RNF220: variants seen among roughly 807,000 people sequenced by gnomAD.
RNF220 encodes the protein E3 ubiquitin-protein ligase RNF220.
A neutral mutation model predicts 67.1 loss-of-function variants in RNF220; 7 were observed. The observed-to-expected ratio is 0.10, with a 90% CI of 0.06 to 0.20. The LOEUF (loss-of-function observed/expected upper bound fraction) is 0.20. RNF220 is among the 10% of genes least tolerant of loss of function. The pLI is 1.00. For synonymous variants in RNF220, 270 were observed against 283.2 expected (o/e 0.95, Z 0.47); for missense variants, 565 against 740.3 (o/e 0.76, Z 2.75).
At chr1:44,488,911 A>G (rs889673970) in intron 2 of RNF220, among the ~76,000 whole-genome samples, 10 of 151,922 alleles carry the variant, frequency 6.6e-5, no homozygotes, top group African/African-American at 2.4e-4. Context: ...TCCTATTTTT[A>G]GTAGAGATGG....
intron 2 of RNF220, among the ~76,000 whole-genome samples, chr1:44,607,814 A>G (rs1423273734): frequency 6.6e-6 from 1 of 151,684 alleles, no homozygotes; most frequent in Non-Finnish European, 1.5e-5. Flanking sequence ...TATCTAGAGC[A>G]CCACTTCCCC....
At chr1:44,438,104 G>A (rs987836943) in intron 2 of RNF220, among the ~76,000 whole-genome samples, 1 of 152,050 alleles carries the variant, frequency 6.6e-6, no homozygotes, top group Non-Finnish European at 1.5e-5. Flanking sequence ...TTAAATTTTT[G>A]TAAATTTTGT....
chr1:44,544,751 G>A (rs944708994), intron 2 of RNF220, among the ~76,000 whole-genome samples: 6 of 152,358 alleles, frequency 3.9e-5, no homozygotes, highest in African/African-American at 1.4e-4. Flanking sequence ...GGGCTGCAAG[G>A]AGAAGCCTTG....
intron 2 of RNF220, among the ~76,000 whole-genome samples, chr1:44,448,092 A>G (rs1335966305): frequency 6.6e-6 from 1 of 152,184 alleles, no homozygotes; most frequent in African/African-American, 2.4e-5. Context: ...TGAGGTCAGG[A>G]GTTTGAGACC....
At chr1:44,437,589 A>G (rs1327209508) in intron 2 of RNF220, among the ~76,000 whole-genome samples, 1 of 152,190 alleles carries the variant, frequency 6.6e-6, no homozygotes, top group African/African-American at 2.4e-5. Flanking sequence ...GAAATCAGTC[A>G]CTGGTTGGAG....
intron 2 of RNF220, among the ~76,000 whole-genome samples, chr1:44,438,673 A>G (rs80122937): frequency 6.6e-6 from 1 of 152,318 alleles, no homozygotes; most frequent in African/African-American, 2.4e-5. Flanking sequence ...ATTTAAGGAG[A>G]CAAAAACCCT....
In RNF220 at chr1:44,650,327, CCT is replaced by C. The variant is rs773060348; in HGVS notation, c.1629+371_1629+372del. On this transcript the variant is annotated intron_variant, in intron 14 of 14. Transcript: ENST00000361799. This position sits in a 1 kb window ranked among gnomAD's most constrained non-coding sequence, Gnocchi z 4.3. ...TTACTAAGCTCCTTCTGCTCCTGCC[CCT>C]GTTCTTCGCTCAGGAGCAGCCATTA... 8 of 480,952 alleles carry C rather than the reference CCT, an allele frequency of 1.7e-5. No homozygotes were observed. The highest frequency in any genetic ancestry group is 3.9e-5 in the African/African-American group (2 of 51,678). The allele number at this position is 480,952 out of a possible 1,614,324, so 29.8% of individuals were successfully genotyped here. A position where few individuals can be genotyped will look rare whatever the true frequency, so the allele number is the denominator to read the frequency against.
intron 2 of RNF220, among the ~76,000 whole-genome samples, chr1:44,457,403 A>G (rs959132050): frequency 6.6e-6 from 1 of 152,172 alleles, no homozygotes; most frequent in Non-Finnish European, 1.5e-5. Flanking sequence ...GATTTCTCCA[A>G]TTAGAGAGGG....
At chr1:44,494,761 G>T (rs1276743593) in intron 2 of RNF220, among the ~76,000 whole-genome samples, 2 of 152,114 alleles carry the variant, frequency 1.3e-5, no homozygotes, top group Non-Finnish European at 2.9e-5. Flanking sequence ...CTTTCTTTTG[G>T]TACCTTTAGA....
At position 44,600,639 on chromosome 1, in the gene RNF220, G is replaced by A. The variant is rs1264048312; in HGVS notation, c.626-13526G>A. Among the ~76,000 whole-genome samples, 2 of 152,090 alleles carry A rather than the reference G, an allele frequency of 1.3e-5. No individual in the cohort carries two copies. The highest frequency in any genetic ancestry group is 2.9e-5 in the Non-Finnish European group (2 of 68,018). ...AGTTGGAGACCAGCCTGGCCAACACGATGAAACTCCGTCTCTATTAAAAAT... is the reference window on the plus strand; with the variant it reads ...AGTTGGAGACCAGCCTGGCCAACACAATGAAACTCCGTCTCTATTAAAAAT... On this transcript the variant is annotated intron_variant, in intron 2 of 14. Coordinates refer to ENST00000361799, the MANE Select transcript of RNF220 (RefSeq NM_018150.4). The surrounding 1 kb of genome is among the most constrained non-coding windows in gnomAD (Gnocchi z 4.0).
chr1:44,584,231 CA>C (rs1183915163), intron 2 of RNF220, among the ~76,000 whole-genome samples: 11 of 152,208 alleles, frequency 7.2e-5, no homozygotes, highest in African/African-American at 2.4e-4. Context: ...TTGGTCCACT[CA>C]ATTCAGAACC....
At chr1:44,529,931 C>T (rs1421222815) in intron 2 of RNF220, among the ~76,000 whole-genome samples, 1 of 151,750 alleles carries the variant, frequency 6.6e-6, no homozygotes, top group Non-Finnish European at 1.5e-5. Flanking sequence ...GTGGGCGCCT[C>T]TACTCCCAGC....
intron 2 of RNF220, among the ~76,000 whole-genome samples, chr1:44,466,919 A>G (rs1236158442): frequency 6.6e-6 from 1 of 152,240 alleles, no homozygotes; most frequent in Non-Finnish European, 1.5e-5. Context: ...TAAGTCACCA[A>G]GTGCATTATG....
chr1:44,528,313 T>C (rs1660555951), intron 2 of RNF220, among the ~76,000 whole-genome samples: 3 of 152,168 alleles, frequency 2.0e-5, no homozygotes, highest in South Asian at 4.1e-4. Flanking sequence ...ACTTTTTTTT[T>C]TTTTTGAGAC....
At chr1:44,588,584 T>C (rs1352969385) in intron 2 of RNF220, among the ~76,000 whole-genome samples, 3 of 152,084 alleles carry the variant, frequency 2.0e-5, no homozygotes, top group Non-Finnish European at 4.4e-5. Flanking sequence ...ACTCGAGTAA[T>C]AAAATTTTTC....
At chr1:44,574,649 G>A (rs557205734) in intron 2 of RNF220, among the ~76,000 whole-genome samples, 71 of 152,272 alleles carry the variant, frequency 4.7e-4, no homozygotes, top group African/African-American at 1.5e-3. Context: ...GCCTGCCCCT[G>A]CACTGCCATT....
chr1:44,649,458 G>C lies in RNF220; in HGVS notation c.1446-203G>C. 1.7e-6 allele frequency: 1 copy of C among 595,908 alleles called. No homozygotes were observed. The highest frequency in any genetic ancestry group is 2.0e-5 in the South Asian group (1 of 50,154). 36.9% of individuals were successfully genotyped at this position (595,908 alleles called of 1,614,324 possible). On this transcript the variant is annotated intron_variant, in intron 12 of 14. Transcript: ENST00000361799. This position sits in a 1 kb window ranked among gnomAD's most constrained non-coding sequence, Gnocchi z 5.9. ...TGGTATCTGGTGTAGAAATTCATCC[G>C]AATGGGAATGGAGGAATAGAGAGGG...
chr1:44,426,092 C>T (rs1245979219), intron 2 of RNF220, among the ~76,000 whole-genome samples: 2 of 152,192 alleles, frequency 1.3e-5, no homozygotes, highest in Non-Finnish European at 2.9e-5. Context: ...TTGGCTAAAT[C>T]CCCACTGAAA....
intron 2 of RNF220, among the ~76,000 whole-genome samples, chr1:44,546,237 A>G (rs376391728): frequency 3.9e-5 from 6 of 152,232 alleles, no homozygotes; most frequent in Admixed American, 1.3e-4. Flanking sequence ...CAGCCTCTTC[A>G]TGGCCAGTAC....
Sources: gnomAD v4.1 joint callset for allele counts (sites outside exome capture counted in the v4.1 genomes callset) on GRCh38, gnomAD v4.1.1 for gene constraint, Gnocchi (gnomAD v3.1) non-coding constraint, MANE v1.5 for transcripts, NCBI Gene and HGNC (gene_info 2026-07-23, HGNC 2026-07-21) for gene names.